The following EML6 variants were observed in gnomAD, a reference collection of about 807,000 sequenced individuals.
EML6 encodes the protein EMAP like 6, also known as echinoderm microtubule-associated protein-like 6.
Under a neutral mutation model 240.1 loss-of-function variants are expected in EML6, and 154 were observed. That is an observed-to-expected ratio of 0.64 (90% CI 0.56 to 0.73). The LOEUF (loss-of-function observed/expected upper bound fraction) is 0.73. Among genes scored for constraint, EML6 ranks in the 30% least tolerant of loss-of-function variants. The probability of loss-of-function intolerance (pLI) is 0.00; values close to 1 mark genes in which losing one functional copy is unlikely to be tolerated. For synonymous variants in EML6, 1,148 were observed against 899.0 expected (o/e 1.28, Z -4.95); for missense variants, 2,964 against 2,474.6 (o/e 1.20, Z -4.20).
intron 2 of EML6, among the ~76,000 whole-genome samples, chr2:54,795,012 T>C (rs1669681124): frequency 6.6e-6 from 1 of 152,228 alleles, no homozygotes. Flanking sequence ...TACCTCAGAA[T>C]TTTACCACGC....
chr2:54,841,978 T>C (rs1339851805), intron 7 of EML6, among the ~76,000 whole-genome samples: 1 of 152,122 alleles, frequency 6.6e-6, no homozygotes, highest in Non-Finnish European at 1.5e-5. Context: ...CATATACCCC[T>C]TCCCACCCAC....
At chr2:54,867,430 A>C (rs992359301) in intron 14 of EML6, 2 of 152,362 alleles carry the variant, frequency 1.3e-5, no homozygotes, top group Non-Finnish European at 1.5e-5. Context: ...ATGCAAAGGA[A>C]CCTAAATGCC....
chr2:54,781,192 G>A (rs1400318293), intron 2 of EML6, among the ~76,000 whole-genome samples: 1 of 152,178 alleles, frequency 6.6e-6, no homozygotes, highest in Admixed American at 6.5e-5. Flanking sequence ...GAAATGGTCA[G>A]TATCTTGCCC....
chr2:54,942,586 C>T (rs889436267), intron 28 of EML6, among the ~76,000 whole-genome samples: 12 of 152,124 alleles, frequency 7.9e-5, no homozygotes, highest in African/African-American at 2.4e-4. Flanking sequence ...ACTATGTTGG[C>T]GTGCTCTTTA....
At position 54,844,338 on chromosome 2, in the gene EML6, A is replaced by G. The variant is rs991856412; in HGVS notation, c.1049+90A>G. On this transcript the variant is annotated intron_variant, in intron 8 of 41. Transcript: ENST00000356458. ...TATTAATAGAAGGATAAAGTGCAGA[A>G]CAGAACCACACAGTTTCCAAATGAA... The G allele has an allele frequency of 3.6e-5, 34 of 944,778 alleles. No individual in the cohort carries two copies. In the African/African-American group the frequency reaches 5.6e-4, roughly 16 times the overall value. 58.5% of individuals were successfully genotyped at this position (944,778 alleles called of 1,614,324 possible). A position where few individuals can be genotyped will look rare whatever the true frequency, so the allele number is the denominator to read the frequency against.
intron 26 of EML6, among the ~76,000 whole-genome samples, chr2:54,926,049 T>G (rs1268712302): frequency 6.6e-6 from 1 of 152,190 alleles, no homozygotes; most frequent in African/African-American, 2.4e-5. Flanking sequence ...TTCACGAGAT[T>G]CTCAGGAATT....
chr2:54,725,309 A>T lies in EML6; in HGVS notation c.197+51A>T. Reference sequence around the variant, plus strand: ...GGAGGGGTTGCGTGTGGAGGCTGGGAAGGTGGGAAGCGGTTGACCTGGGGT... The same window carrying T: ...GGAGGGGTTGCGTGTGGAGGCTGGGTAGGTGGGAAGCGGTTGACCTGGGGT... On this transcript the variant is annotated intron_variant, in intron 2 of 41. Coordinates refer to ENST00000356458, the MANE Select transcript of EML6 (RefSeq NM_001039753.4). This position sits in a 1 kb window ranked among gnomAD's most constrained non-coding sequence, Gnocchi z 4.3. The T allele has an allele frequency of 2.2e-6, 3 of 1,334,368 alleles. No individual in the cohort carries two copies. The highest frequency in any genetic ancestry group is 3.0e-6 in the Non-Finnish European group (3 of 1,015,104). 82.7% of individuals were successfully genotyped at this position (1,334,368 alleles called of 1,614,324 possible).
At chr2:54,864,656 C>T (rs17046424) in intron 13 of EML6, among the ~76,000 whole-genome samples, 28,551 of 152,090 alleles carry the variant, frequency 0.19, 2,973 homozygotes, top group African/African-American at 0.27. Context: ...TAAGTGTCGC[C>T]AATAGAGATT....
At chr2:54,867,934 C>A (rs542533894) in intron 14 of EML6, 1 of 152,108 alleles carries the variant, frequency 6.6e-6, no homozygotes, top group Non-Finnish European at 1.5e-5. Context: ...AAAAATTTTT[C>A]TGTGGTCCTA....
In EML6 at chr2:54,853,652, C is replaced by T. The variant is rs1325716278; in HGVS notation, c.1454C>T (p.Pro485Leu). The T allele has an allele frequency of 1.9e-6, 3 of 1,541,418 alleles. No individual in the cohort carries two copies. The highest frequency in any genetic ancestry group is 1.2e-5 in the South Asian group (1 of 81,832). The change falls in exon 11 of 42, where the codon CCT becomes CTT. Residue 485 changes from proline to leucine, a missense_variant. Coordinates refer to ENST00000356458, the MANE Select transcript of EML6 (RefSeq NM_001039753.4). ...TATTGATTATTTTCAGCTGGGAAGCCTTTAACAAGTAAAGAAGAAATTAAA... is the reference window on the plus strand; with the variant it reads ...TATTGATTATTTTCAGCTGGGAAGCTTTTAACAAGTAAAGAAGAAATTAAA... The part of the protein sequence containing the change: ...RLFYRMPSGK[P>L]LTSKEEIKGI...
chr2:54,928,810 A>C, intron 28 of EML6, 59 bp downstream of exon 28: 1 of 1,546,248 alleles, frequency 6.5e-7, no homozygotes, highest in Non-Finnish European at 8.7e-7. Context: ...AACTTGTTTA[A>C]GCCAGAGTGC....
intron 28 of EML6, among the ~76,000 whole-genome samples, chr2:54,939,732 A>T (rs1433759376): frequency 6.6e-6 from 1 of 152,168 alleles, no homozygotes; most frequent in African/African-American, 2.4e-5. Flanking sequence ...CAACTTTCAT[A>T]CAAGAGATGG....
chr2:54,776,770 A>G (rs1274164775), intron 2 of EML6, among the ~76,000 whole-genome samples: 2 of 151,560 alleles, frequency 1.3e-5, no homozygotes, highest in Admixed American at 6.6e-5. Context: ...TCAACCTTGG[A>G]TATTTTACAA....
chr2:54,862,388 C>T (rs1460895167), intron 12 of EML6, among the ~76,000 whole-genome samples: 2 of 139,614 alleles, frequency 1.4e-5, no homozygotes, highest in East Asian at 2.0e-4. Flanking sequence ...AGTACTGCCA[C>T]TGAACTGAAA....
At chr2:54,944,374 C>A (rs1675576898) in intron 28 of EML6, among the ~76,000 whole-genome samples, 1 of 152,164 alleles carries the variant, frequency 6.6e-6, no homozygotes, top group African/African-American at 2.4e-5. Context: ...CCTACTTCAT[C>A]CCCTAAAGAC....
At chr2:54,880,682 G>A (rs1671765816) in intron 17 of EML6, 1 of 152,116 alleles carries the variant, frequency 6.6e-6, no homozygotes, top group African/African-American at 2.4e-5. Context: ...TCTGGTCTTT[G>A]TTTCTAGTAT....
At chr2:54,907,936 ATAGATAGATAAGATAGATAGAT>A (rs1558673927) in intron 24 of EML6, among the ~76,000 whole-genome samples, 1 of 42,562 alleles carries the variant, frequency 2.3e-5, no homozygotes, top group Non-Finnish European at 5.3e-5. Context: ...AGATAGATAG[ATAGATAGATAAGATAGATAGAT>A]AGATAGATAG....
intron 2 of EML6, among the ~76,000 whole-genome samples, chr2:54,742,530 C>T (rs1216652266): frequency 1.3e-5 from 2 of 152,170 alleles, no homozygotes; most frequent in East Asian, 1.9e-4. Flanking sequence ...CTCTTAAACA[C>T]GTCTCAATTC....
chr2:54,928,240 A>G (rs1359890967), intron 26 of EML6, 73 bp from the exon 27 acceptor site: 4 of 1,163,146 alleles, frequency 3.4e-6, no homozygotes, highest in Non-Finnish European at 5.0e-6. Context: ...TCCAGTAGAA[A>G]CTAACATGGA....
Sources: allele counts gnomAD v4.1 joint callset (sites outside exome capture counted in the v4.1 genomes callset), GRCh38; gene constraint gnomAD v4.1.1; non-coding constraint Gnocchi (gnomAD v3.1); transcripts MANE v1.5; gene names NCBI Gene and HGNC (gene_info 2026-07-23, HGNC 2026-07-21).